AUTS2: variants seen among roughly 807,000 people sequenced by gnomAD.
The protein encoded by AUTS2 is autism susceptibility gene 2 protein.
In AUTS2, 17 loss-of-function variants were observed where a neutral mutation model predicts 112.4. The observed-to-expected ratio is 0.15, with a 90% CI of 0.10 to 0.23. The LOEUF is 0.23. AUTS2 is among the 10% of genes least tolerant of loss of function. AUTS2 has a pLI of 1.00. For synonymous variants in AUTS2, 751 were observed against 702.7 expected (o/e 1.07, Z -1.09); for missense variants, 1,510 against 1,701.6 (o/e 0.89, Z 1.98).
At chr7:69,833,788 A>G (rs1022265479) in intron 1 of AUTS2, among the ~76,000 whole-genome samples, 1 of 152,206 alleles carries the variant, frequency 6.6e-6, no homozygotes, top group Admixed American at 6.5e-5. Context: ...AACTTGTCCT[A>G]GAATGTCTTT....
chr7:70,085,548 G>T (rs1439770089), intron 2 of AUTS2, among the ~76,000 whole-genome samples: 1 of 151,936 alleles, frequency 6.6e-6, no homozygotes, highest in Non-Finnish European at 1.5e-5. Context: ...GTATTTTTTA[G>T]TAGAGACAGG....
intron 1 of AUTS2, among the ~76,000 whole-genome samples, chr7:69,882,435 A>G (rs564512712): frequency 1.3e-5 from 2 of 152,338 alleles, no homozygotes; most frequent in South Asian, 4.1e-4. Context: ...CCCCAAGGCA[A>G]CACTATAAGT....
intron 3 of AUTS2, among the ~76,000 whole-genome samples, chr7:70,122,732 A>G (rs1022792534): frequency 6.6e-6 from 1 of 152,206 alleles, no homozygotes. Context: ...AGAAAGAAAA[A>G]TGACCCAAAA....
chr7:70,546,589 TAA>T (rs527346656), intron 5 of AUTS2, among the ~76,000 whole-genome samples: 95 of 152,138 alleles, frequency 6.2e-4, no homozygotes, highest in Middle Eastern at 3.4e-3. Context: ...CCATCCTGGC[TAA>T]CACAGTGAAA....
At chr7:69,974,094 ATTTTCTTAATTTAAG>A (rs1175530822) in intron 2 of AUTS2, among the ~76,000 whole-genome samples, 1 of 151,600 alleles carries the variant, frequency 6.6e-6, no homozygotes, top group East Asian at 1.9e-4. Flanking sequence ...AAGAAATTAA[ATTTTCTTAATTTAAG>A]TTATTGGGCT....
At chr7:70,544,514 A>G (rs1041681225) in intron 5 of AUTS2, among the ~76,000 whole-genome samples, 3 of 152,126 alleles carry the variant, frequency 2.0e-5, no homozygotes, top group African/African-American at 7.2e-5. Context: ...AATCCCCTCA[A>G]ATCTCACTTT....
chr7:69,982,979 A>C (rs1287169420), intron 2 of AUTS2, among the ~76,000 whole-genome samples: 1 of 152,350 alleles, frequency 6.6e-6, no homozygotes, highest in Middle Eastern at 3.4e-3. Context: ...AAATGTGAAC[A>C]GTAAGCCCAG....
chr7:70,247,354 G>C (rs1812977857), intron 4 of AUTS2, among the ~76,000 whole-genome samples: 1 of 152,110 alleles, frequency 6.6e-6, no homozygotes, highest in East Asian at 1.9e-4. Context: ...GATTGTCAGA[G>C]GCTGGTGGGA....
At chr7:70,723,444 C>T (rs1786817422) in intron 6 of AUTS2, among the ~76,000 whole-genome samples, 1 of 150,340 alleles carries the variant, frequency 6.7e-6, no homozygotes, top group Non-Finnish European at 1.5e-5. Context: ...GCCAAACTGC[C>T]CCAGGACCAG....
chr7:70,537,768 G>A lies in AUTS2; in HGVS notation c.690+101987G>A, dbSNP rs116031997. Among the ~76,000 whole-genome samples, 679 of 152,300 alleles carry A rather than the reference G, an allele frequency of 4.5e-3. 8 individuals carry two copies. The highest frequency in any genetic ancestry group is 0.015 in the African/African-American group (634 of 41,556). On this transcript the variant is annotated intron_variant, in intron 5 of 18. Coordinates refer to ENST00000342771, the MANE Select transcript of AUTS2 (RefSeq NM_015570.4). ...CAGAGAACCCTGAAGGTGAAATGAAGGAGGAAATGAAGGCAGGTGGGAAAT... is the reference window on the plus strand; with the variant it reads ...CAGAGAACCCTGAAGGTGAAATGAAAGAGGAAATGAAGGCAGGTGGGAAAT...
intron 1 of AUTS2, among the ~76,000 whole-genome samples, chr7:69,878,355 A>G (rs1793895725): frequency 6.6e-6 from 1 of 152,216 alleles, no homozygotes; most frequent in African/African-American, 2.4e-5. Context: ...TATGACTGCA[A>G]CATTTTTGTT....
At chr7:70,139,908 G>A (rs1806767200) in intron 4 of AUTS2, among the ~76,000 whole-genome samples, 1 of 152,072 alleles carries the variant, frequency 6.6e-6, no homozygotes, top group Non-Finnish European at 1.5e-5. Context: ...GGCTGAGGCA[G>A]GAGAATCACT....
chr7:70,390,680 C>T (rs531425856), intron 4 of AUTS2, among the ~76,000 whole-genome samples: 31 of 151,904 alleles, frequency 2.0e-4, no homozygotes, highest in African/African-American at 7.5e-4. Context: ...AGAGAATGGC[C>T]GGCACTCAAC....
intron 3 of AUTS2, among the ~76,000 whole-genome samples, chr7:70,120,685 A>T (rs1805637092): frequency 6.6e-6 from 1 of 152,018 alleles, no homozygotes; most frequent in South Asian, 2.1e-4. Context: ...GTTTCCTCTA[A>T]CTCACTTTCT....
chr7:70,359,447 G>A (rs1792158923), intron 4 of AUTS2, among the ~76,000 whole-genome samples: 1 of 152,172 alleles, frequency 6.6e-6, no homozygotes, highest in Non-Finnish European at 1.5e-5. Context: ...ACAAGGTTCT[G>A]CAGGCTAGGA....
At chr7:69,668,758 G>A (rs894068680) in intron 1 of AUTS2, among the ~76,000 whole-genome samples, 10 of 152,162 alleles carry the variant, frequency 6.6e-5, no homozygotes, top group African/African-American at 2.2e-4. Flanking sequence ...AGATGAGGTA[G>A]GAGGTATGAT....
intron 2 of AUTS2, among the ~76,000 whole-genome samples, chr7:70,025,861 A>T (rs1225325477): frequency 6.8e-6 from 1 of 148,032 alleles, no homozygotes; most frequent in Non-Finnish European, 1.5e-5. Context: ...TGGAGAGCTT[A>T]TTGTTGTTCC....
chr7:70,009,401 T>A (rs926274679), intron 2 of AUTS2, among the ~76,000 whole-genome samples: 3 of 152,192 alleles, frequency 2.0e-5, no homozygotes, highest in African/African-American at 7.2e-5. Context: ...AACATTTGTT[T>A]AACGTTGGTA....
At chr7:70,364,614 TAAAA>T (rs1216912856) in intron 4 of AUTS2, among the ~76,000 whole-genome samples, 2,396 of 142,598 alleles carry the variant, frequency 0.017, 20 homozygotes, top group South Asian at 0.035. Flanking sequence ...AATAAATAAA[TAAAA>T]ATTAAAAAGG....
Sources: gnomAD v4.1 joint callset for allele counts (sites outside exome capture counted in the v4.1 genomes callset) on GRCh38, gnomAD v4.1.1 for gene constraint, MANE v1.5 for transcripts, NCBI Gene and HGNC (gene_info 2026-07-23, HGNC 2026-07-21) for gene names.